MAML3: variants seen among roughly 807,000 people sequenced by gnomAD.
The protein encoded by MAML3 is mastermind-like protein 3.
A neutral mutation model predicts 101.9 loss-of-function variants in MAML3; 27 were observed. The observed-to-expected ratio is 0.27, with a 90% CI of 0.20 to 0.37. The LOEUF is 0.37. Among genes scored for constraint, MAML3 ranks in the 10% least tolerant of loss-of-function variants. The pLI is 1.00. For missense variants in MAML3, 1,316 were observed against 1,444.9 expected, an observed-to-expected ratio of 0.91 and a Z score of 1.45; for synonymous variants, 501 against 555.9, an observed-to-expected ratio of 0.90 and a Z score of 1.39.
chr4:139,842,145 AG>A (rs1332511134), intron 2 of MAML3, among the ~76,000 whole-genome samples: 1 of 152,202 alleles, frequency 6.6e-6, no homozygotes, highest in Admixed American at 6.5e-5. Flanking sequence ...CAGCCTCTGC[AG>A]GGGTGATGCT....
intron 2 of MAML3, among the ~76,000 whole-genome samples, chr4:139,732,842 T>C (rs1464069448): frequency 6.6e-6 from 1 of 152,218 alleles, no homozygotes; most frequent in Non-Finnish European, 1.5e-5. Flanking sequence ...CGTTCTATTT[T>C]TTATGTGTAA....
chr4:140,017,806 A>AGGGCAATATGAGAGATTCTAGTG (rs1364909347), intron 1 of MAML3, among the ~76,000 whole-genome samples: 12 of 75,968 alleles, frequency 1.6e-4, no homozygotes, highest in Non-Finnish European at 3.7e-4. Flanking sequence ...TAGCTATAAC[A>AGGGCAATATGAGAGATTCTAGTG]GGGCAATATG....
At chr4:140,116,827 G>A (rs1418592629) in intron 1 of MAML3, among the ~76,000 whole-genome samples, 1 of 152,212 alleles carries the variant, frequency 6.6e-6, no homozygotes, top group Non-Finnish European at 1.5e-5. Context: ...CAAAAGATCA[G>A]CACTTGGGTT....
chr4:139,937,057 T>C (rs888093476), intron 1 of MAML3, among the ~76,000 whole-genome samples: 1 of 152,218 alleles, frequency 6.6e-6, no homozygotes, highest in Non-Finnish European at 1.5e-5. Context: ...ATTTTTACTT[T>C]TGTTTTTCAA....
intron 1 of MAML3, among the ~76,000 whole-genome samples, chr4:140,080,333 C>G (rs946693429): frequency 2.0e-5 from 3 of 152,188 alleles, no homozygotes. Flanking sequence ...ACTCATGGGT[C>G]TGAATGTGCC....
intron 1 of MAML3, among the ~76,000 whole-genome samples, chr4:139,969,957 G>A (rs1020428397): frequency 6.6e-6 from 1 of 152,202 alleles, no homozygotes; most frequent in African/African-American, 2.4e-5. Flanking sequence ...CAAGTTTTCA[G>A]ACCTTGATCT....
At chr4:140,122,661 G>C (rs1001199870) in intron 1 of MAML3, among the ~76,000 whole-genome samples, 1 of 150,794 alleles carries the variant, frequency 6.6e-6, no homozygotes, top group Non-Finnish European at 1.5e-5. Flanking sequence ...GCGTAGTGGC[G>C]GGCGCCTGTA....
chr4:139,908,182 T>G (rs1732854134), intron 1 of MAML3, among the ~76,000 whole-genome samples: 3 of 152,264 alleles, frequency 2.0e-5, no homozygotes, highest in Admixed American at 2.0e-4. Flanking sequence ...TAGGTTTACT[T>G]GTGTATAGTT....
At chr4:139,880,795 A>G (rs9999030) in intron 2 of MAML3, among the ~76,000 whole-genome samples, 5,654 of 152,324 alleles carry the variant, frequency 0.037, 132 homozygotes, top group Middle Eastern at 0.13. Context: ...TCAACAGAAA[A>G]GTGTTGAAAA....
chr4:139,751,592 C>A (rs1182309979), intron 2 of MAML3, among the ~76,000 whole-genome samples: 3 of 152,196 alleles, frequency 2.0e-5, no homozygotes, highest in Non-Finnish European at 4.4e-5. Context: ...TGGATTTCAG[C>A]TTTTCCGATT....
intron 1 of MAML3, among the ~76,000 whole-genome samples, chr4:140,071,059 C>T (rs1727643089): frequency 6.6e-6 from 1 of 152,222 alleles, no homozygotes; most frequent in Non-Finnish European, 1.5e-5. Flanking sequence ...ACTCCAGCTT[C>T]CAGGATCACT....
chr4:139,968,488 G>T (rs1435170223), intron 1 of MAML3, among the ~76,000 whole-genome samples: 1 of 152,052 alleles, frequency 6.6e-6, no homozygotes, highest in Non-Finnish European at 1.5e-5. Flanking sequence ...TGTTACTAAT[G>T]ACCCTTGGCA....
chr4:139,753,903 G>A (rs929009529), intron 2 of MAML3, among the ~76,000 whole-genome samples: 1 of 152,176 alleles, frequency 6.6e-6, no homozygotes, highest in African/African-American at 2.4e-5. Flanking sequence ...ATTGTGTAAT[G>A]AGCAAAAGAC....
intron 1 of MAML3, among the ~76,000 whole-genome samples, chr4:140,000,357 T>C (rs1734899886): frequency 6.6e-6 from 1 of 151,674 alleles, no homozygotes; most frequent in African/African-American, 2.4e-5. Context: ...AACACAGCAC[T>C]TCCTATGGCA....
intron 2 of MAML3, chr4:139,731,333 T>G (rs1196628303): frequency 6.6e-6 from 1 of 150,996 alleles, no homozygotes; most frequent in Non-Finnish European, 1.5e-5. Flanking sequence ...GCGCGGTGTC[T>G]CACGCCTGTA....
At chr4:140,050,373 G>A (rs1433645528) in intron 1 of MAML3, among the ~76,000 whole-genome samples, 1 of 151,794 alleles carries the variant, frequency 6.6e-6, no homozygotes, top group East Asian at 1.9e-4. Context: ...TTTCATTGGA[G>A]TCAACTGGTG....
chr4:139,966,330 C>T (rs537802407), intron 1 of MAML3, among the ~76,000 whole-genome samples: 1 of 152,088 alleles, frequency 6.6e-6, no homozygotes, highest in Non-Finnish European at 1.5e-5. Flanking sequence ...ATGATGAACA[C>T]GTTAGGTTTT....
intron 2 of MAML3, among the ~76,000 whole-genome samples, chr4:139,885,213 C>T (rs1024002623): frequency 2.0e-5 from 3 of 151,628 alleles, no homozygotes; most frequent in South Asian, 2.1e-4. Flanking sequence ...CTAGACTGGG[C>T]AACATAGTGA....
chr4:139,828,712 CTTTTTTTTTT>C (rs996757226), intron 2 of MAML3, among the ~76,000 whole-genome samples: 1 of 128,706 alleles, frequency 7.8e-6, no homozygotes, highest in Admixed American at 7.6e-5. Context: ...AGATGCACTT[CTTTTTTTTTT>C]TTTTTTTTTT....
Sources: allele counts gnomAD v4.1 joint callset (sites outside exome capture counted in the v4.1 genomes callset), GRCh38; gene constraint gnomAD v4.1.1; transcripts MANE v1.5; gene names NCBI Gene and HGNC (gene_info 2026-07-23, HGNC 2026-07-21).